PER2: variants seen among roughly 807,000 people sequenced by gnomAD.
PER2 encodes the protein period circadian regulator 2.
A neutral mutation model predicts 121.0 loss-of-function variants in PER2; 66 were observed. The ratio of observed to expected loss-of-function variants is 0.55; its 90% CI spans 0.45 to 0.67. The LOEUF is 0.67. Among genes scored for constraint, PER2 ranks in the 30% least tolerant of loss-of-function variants. The probability of loss-of-function intolerance (pLI) is 0.00; values close to 1 mark genes in which losing one functional copy is unlikely to be tolerated. For synonymous variants in PER2, 684 were observed against 659.9 expected (o/e 1.04, Z -0.56); for missense variants, 1,521 against 1,635.0 (o/e 0.93, Z 1.20).
chr2:238,263,425 C>G (rs977057073), intron 9 of PER2, among the ~76,000 whole-genome samples: 2 of 152,154 alleles, frequency 1.3e-5, no homozygotes, highest in African/African-American at 4.8e-5. Flanking sequence ...TTTTGCTTAA[C>G]AAGTTTTGCC....
At chr2:238,281,798 G>A (rs1471738525) in intron 1 of PER2, among the ~76,000 whole-genome samples, 1 of 152,194 alleles carries the variant, frequency 6.6e-6, no homozygotes, top group Non-Finnish European at 1.5e-5. Context: ...TTTCTGGAGA[G>A]AAATTTGAGT....
At chr2:238,289,005 C>T (rs559307792), upstream of PER2, 34 of 152,326 alleles carry the variant, frequency 2.2e-4, no homozygotes, top group African/African-American at 7.0e-4. Flanking sequence ...TTCGTGCTAC[C>T]CGTCGTCCTC....
chr2:238,295,813 T>G, the PER2 span: 1 of 169,902 alleles, frequency 5.9e-6, no homozygotes, highest in Non-Finnish European at 1.3e-5. Context: ...CTGGGGAGCT[T>G]TGCTACAGGG....
rs1304045671 is a variant in PER2 at position 238,246,367 on chromosome 2, G to A, written c.*8C>T. ...CTCGCTGGCTGCCGGGCTGAGGTGG[G>A]GCAGGGGTTACGTCTGCTCTTCGAT... On this transcript the variant is annotated 3_prime_UTR_variant, in exon 23 of 23. Transcript: ENST00000254657. 3 of 1,595,044 alleles carry A rather than the reference G, an allele frequency of 1.9e-6. No homozygotes were observed. Among genetic ancestry groups the A allele is most frequent in the Admixed American group, 1.7e-5 (1 of 57,960 alleles).
In PER2 at chr2:238,273,175, G is replaced by GTAA; in HGVS notation, c.462_464dup (p.Tyr155dup). On this transcript the variant is annotated inframe_insertion, in exon 5 of 23. Transcript: ENST00000254657. ...GACCCTCGCTGGACATCAGCAGCTGGTAATACTCTTCATTGGCTGCAGGAG... is the reference window on the plus strand; with the variant it reads ...GACCCTCGCTGGACATCAGCAGCTGGTAATAATACTCTTCATTGGCTGCAGGAG... 1 of 1,613,770 alleles carries GTAA rather than the reference G, an allele frequency of 6.2e-7. No homozygotes were observed. Among genetic ancestry groups the GTAA allele is most frequent in the African/African-American group, 1.3e-5 (1 of 75,032 alleles).
chr2:238,280,265 G>A (rs1377028634), intron 1 of PER2, among the ~76,000 whole-genome samples: 1 of 152,212 alleles, frequency 6.6e-6, no homozygotes, highest in Non-Finnish European at 1.5e-5. Flanking sequence ...CCATTCGCCG[G>A]TGAGCCACTC....
chr2:238,266,681 G>A (rs998513529), intron 8 of PER2, among the ~76,000 whole-genome samples: 6 of 152,160 alleles, frequency 3.9e-5, no homozygotes, highest in Non-Finnish European at 5.9e-5. Context: ...TGTAATACAC[G>A]CAGGAACACA....
At chr2:238,282,610 C>T (rs1004638427) in intron 1 of PER2, among the ~76,000 whole-genome samples, 3 of 152,204 alleles carry the variant, frequency 2.0e-5, no homozygotes, top group Non-Finnish European at 4.4e-5. Context: ...ATAAAAAGGA[C>T]AGATGGCACT....
Position 238,277,814 on chromosome 2 carries a change from A to T in PER2, c.123T>A (p.His41Gln), listed in dbSNP as rs764970962. Reference protein sequence around the residue: ...DVDMSSGSSGHETNENCSTGR... With the variant: ...DVDMSSGSSGQETNENCSTGR... ...CCGTGGAGCAGTTTTCGTTGGTCTC[A>T]TGTCCACTGGAGCCACTGCTCATGT... is the stretch of plus-strand genomic sequence containing the variant. Residue 41 changes from histidine (H) to glutamine (Q), a missense_variant, in exon 2 of 23, where the codon CAT (histidine) becomes CAA (glutamine). His to Gln is a conservative substitution (Grantham distance 24). Transcript: ENST00000254657. 1 of 1,613,494 alleles carries T rather than the reference A, an allele frequency of 6.2e-7. No individual in the cohort carries two copies. Among genetic ancestry groups the T allele is most frequent in the Admixed American group, 1.7e-5 (1 of 60,010 alleles).
chr2:238,280,150 A>C (rs1304010159), intron 1 of PER2, among the ~76,000 whole-genome samples: 2 of 152,192 alleles, frequency 1.3e-5, no homozygotes, highest in Non-Finnish European at 2.9e-5. Flanking sequence ...AGCCAGCAAT[A>C]CTGAGGGCTA....
At chr2:238,294,212 C>T (rs988256222), upstream of PER2, among the ~76,000 whole-genome samples, 2 of 152,236 alleles carry the variant, frequency 1.3e-5, no homozygotes, top group East Asian at 3.8e-4. Flanking sequence ...GCCCCTGCAG[C>T]AGGCTCCCTG....
upstream of PER2, among the ~76,000 whole-genome samples, chr2:238,290,780 G>A (rs1354159586): frequency 3.3e-5 from 5 of 152,148 alleles, no homozygotes; most frequent in Admixed American, 3.3e-4. Flanking sequence ...AGGAGTTGGT[G>A]ATGTAGAAGG....
rs577277280 is a variant in PER2, at chr2:238,253,747, A to T, written c.2321-45T>A. ...ACTCGGAGTTAAAATTTTAACTCCA[A>T]ATTTGAAGACACCTCTTCGTTCAAC... On this transcript the variant is annotated intron_variant, in intron 18 of 22. Coordinates refer to ENST00000254657, the MANE Select transcript of PER2 (RefSeq NM_022817.3). This position sits in a 1 kb window ranked among gnomAD's most constrained non-coding sequence, Gnocchi z 5.6. 5.6e-6 allele frequency: 8 copies of T among 1,439,286 alleles called. No individual in the cohort carries two copies. In the African/African-American group the frequency reaches 9.9e-5, roughly 18 times the overall value. The allele number at this position is 1,439,286 out of a possible 1,614,324, so 89.2% of individuals were successfully genotyped here. A position where few individuals can be genotyped will look rare whatever the true frequency, so the allele number is the denominator to read the frequency against.
chr2:238,267,589 G>T (rs1177452461), intron 8 of PER2, among the ~76,000 whole-genome samples: 1 of 152,204 alleles, frequency 6.6e-6, no homozygotes, highest in Non-Finnish European at 1.5e-5. Context: ...AAGGTGGGGA[G>T]GGAGGGATGC....
chr2:238,247,012 G>A (rs1182684488), intron 22 of PER2, among the ~76,000 whole-genome samples: 1 of 152,194 alleles, frequency 6.6e-6, no homozygotes, highest in African/African-American at 2.4e-5. Context: ...AACTAAGAAG[G>A]GCTCCAGAGG....
chr2:238,257,101 G>C lies in PER2; in HGVS notation c.1901-15C>G. 6.2e-7 allele frequency: 1 copy of C among 1,608,752 alleles called. No homozygotes were observed. The highest frequency in any genetic ancestry group is 8.5e-7 in the Non-Finnish European group (1 of 1,179,482). On this transcript the variant is annotated splice_polypyrimidine_tract_variant and intron_variant, in intron 16 of 22. Transcript: ENST00000254657. ...CGGCTCTGCCTCTTCATGAGAGGAAGGGGGAACAAACATTAGTGTGTCATT... is the reference window on the plus strand; with the variant it reads ...CGGCTCTGCCTCTTCATGAGAGGAACGGGGAACAAACATTAGTGTGTCATT...
Position 238,260,014 on chromosome 2 carries a change from G to T in PER2, c.1582C>A (p.His528Asn). The change falls in exon 14 of 23, where the codon CAT becomes AAT. Residue 528 changes from histidine (H) to asparagine (N), a missense_variant. Transcript: ENST00000254657. The stretch of plus-strand genomic sequence containing the variant: ...TGTTCTCCAGATTCATGAGAATAAT[G>T]ACTTCTATTTTTGGTCTTGTTACCA... ...KNGNKTKNRS[H>N]YSHESGEQKK... The T allele has an allele frequency of 2.0e-6, 3 of 1,507,882 alleles. No individual in the cohort carries two copies. Among genetic ancestry groups the T allele is most frequent in the Non-Finnish European group, 2.8e-6 (3 of 1,088,406 alleles). The allele number at this position is 1,507,882 out of a possible 1,614,324, so 93.4% of individuals were successfully genotyped here. A position where few individuals can be genotyped will look rare whatever the true frequency, so the allele number is the denominator to read the frequency against.
At chr2:238,260,736 C>T (rs184383830) in intron 13 of PER2, 92 bp downstream of exon 13, 42 of 1,457,250 alleles carry the variant, frequency 2.9e-5, no homozygotes, top group Non-Finnish European at 2.8e-5. Flanking sequence ...GGAAGCCCCT[C>T]CTAACTGCCA....
intron 1 of PER2, among the ~76,000 whole-genome samples, chr2:238,282,041 G>A (rs1012573206): frequency 1.3e-5 from 2 of 152,182 alleles, no homozygotes; most frequent in Non-Finnish European, 2.9e-5. Flanking sequence ...ACAGCATCTA[G>A]AGCGATCCTG....
Sources: gnomAD v4.1 joint callset for allele counts (sites outside exome capture counted in the v4.1 genomes callset) on GRCh38, gnomAD v4.1.1 for gene constraint, Gnocchi (gnomAD v3.1) non-coding constraint, MANE v1.5 for transcripts, NCBI Gene and HGNC (gene_info 2026-07-23, HGNC 2026-07-21) for gene names.